The following SLC46A3 variants were observed in gnomAD, a reference collection of about 807,000 sequenced individuals.
The protein encoded by SLC46A3 is lysosomal proton-coupled steroid conjugate and bile acid symporter SLC46A3.
A neutral mutation model predicts 38.5 loss-of-function variants in SLC46A3; 26 were observed. That is an observed-to-expected ratio of 0.68 (90% CI 0.49 to 0.94). The LOEUF is 0.94. SLC46A3 is among the 40% of genes least tolerant of loss of function. The pLI, the probability that SLC46A3 is intolerant of heterozygous loss-of-function variation, is 0.00. For missense variants in SLC46A3, 510 were observed against 544.3 expected (o/e 0.94, Z 0.63); for synonymous variants, 185 against 192.5 (o/e 0.96, Z 0.32).
chr13:28,701,466 C>G lies in SLC46A3; in HGVS notation c.*31G>C. Reference sequence around the variant, plus strand: ...AGTCATGGTATATGATATGTGCATTCATAGATTTTTTTTGTTTGTTTAAAT... The same window carrying G: ...AGTCATGGTATATGATATGTGCATTGATAGATTTTTTTTGTTTGTTTAAAT... On this transcript the variant is annotated 3_prime_UTR_variant, in exon 6 of 6. Coordinates refer to ENST00000266943, the MANE Select transcript of SLC46A3 (RefSeq NM_181785.4). 6.2e-7 allele frequency: 1 copy of G among 1,606,778 alleles called. No individual in the cohort carries two copies. Among genetic ancestry groups the G allele is most frequent in the South Asian group, 1.1e-5 (1 of 89,208 alleles).
At chr13:28,716,919 T>C (rs1279331265) in intron 2 of SLC46A3, among the ~76,000 whole-genome samples, 3 of 152,010 alleles carry the variant, frequency 2.0e-5, no homozygotes, top group African/African-American at 4.8e-5. Context: ...ACCACTCCTT[T>C]ACAATCACAA....
chr13:28,718,098 G>T (rs1026347085), intron 1 of SLC46A3, 76 bp from the exon 2 acceptor site: 2 of 1,227,700 alleles, frequency 1.6e-6, no homozygotes, highest in African/African-American at 1.5e-5. Flanking sequence ...GTAAGTTTGA[G>T]CAATTTTGTG....
rs1555260404 is a variant in SLC46A3 at position 28,714,157 on chromosome 13, A to AAAAT, written c.190-608_190-607insATTT. On this transcript the variant is annotated intron_variant, in intron 2 of 5. Transcript: ENST00000266943. ...CAAAAAATACAAAAAAAAAAAAAAAAAACCTTTATTTAGGGAGAGCTTGGC... is the reference window on the plus strand; with the variant it reads ...CAAAAAATACAAAAAAAAAAAAAAAAAAATAACCTTTATTTAGGGAGAGCTTGGC... 4.9e-3 allele frequency among the ~76,000 whole-genome samples: 702 copies of AAAAT among 143,026 alleles called. 9 individuals are homozygous for AAAAT. The highest frequency in any genetic ancestry group is 0.014 in the African/African-American group (552 of 38,664). The allele number at this position is 143,026 out of a possible 152,430, so 93.8% of individuals were successfully genotyped here.
At chr13:28,711,153 A>G (rs573376930) in intron 3 of SLC46A3, among the ~76,000 whole-genome samples, 2 of 152,302 alleles carry the variant, frequency 1.3e-5, no homozygotes, top group East Asian at 3.9e-4. Context: ...GGCCGGGCGC[A>G]GTGGCTCACA....
intron 2 of SLC46A3, among the ~76,000 whole-genome samples, chr13:28,716,861 G>A (rs1885541935): frequency 1.3e-5 from 2 of 152,256 alleles, no homozygotes; most frequent in South Asian, 2.1e-4. Context: ...CCAGCAGGAG[G>A]TGACTCAATT....
intron 5 of SLC46A3, among the ~76,000 whole-genome samples, 157 bp from the exon 6 acceptor site, chr13:28,701,738 C>T (rs1029102679): frequency 6.6e-6 from 1 of 152,166 alleles, no homozygotes; most frequent in African/African-American, 2.4e-5. Context: ...CTGACTCATG[C>T]ATGGTGTTCT....
Position 28,700,991 on chromosome 13 carries a change from T to G in SLC46A3, c.*506A>C. 1 of 1,528,238 alleles carries G rather than the reference T, an allele frequency of 6.5e-7. No homozygotes were observed. Among genetic ancestry groups the G allele is most frequent in the Non-Finnish European group, 8.8e-7 (1 of 1,134,528 alleles). 94.7% of individuals were successfully genotyped at this position (1,528,238 alleles called of 1,614,324 possible). A position where few individuals can be genotyped will look rare whatever the true frequency, so the allele number is the denominator to read the frequency against. On this transcript the variant is annotated 3_prime_UTR_variant, in exon 6 of 6. Coordinates refer to ENST00000266943, the MANE Select transcript of SLC46A3 (RefSeq NM_181785.4). ...AAAGCATTACCAAGTATAGGTAAAA[T>G]CATACATATTTGAAACTTATATCAT...
intron 3 of SLC46A3, among the ~76,000 whole-genome samples, chr13:28,712,088 T>C (rs1352743867): frequency 4.6e-5 from 7 of 152,200 alleles, no homozygotes; most frequent in Non-Finnish European, 1.0e-4. Context: ...CAGAGTCTCA[T>C]TTTATAGTTC....
At chr13:28,707,060 A>AAAGGATCC (rs1400564594) in intron 4 of SLC46A3, among the ~76,000 whole-genome samples, 19 of 152,140 alleles carry the variant, frequency 1.2e-4, no homozygotes, top group African/African-American at 4.6e-4. Context: ...GTATATACCC[A>AAAGGATCC]AAGGATTATA....
chr13:28,701,125 T>G lies in SLC46A3; in HGVS notation c.*372A>C. ...CTGATGAAGAAACTGAGGTAAAGAT[T>G]TCTCTTTGGTCTCAGTGTAAGAGCC... is the stretch of plus-strand genomic sequence containing the variant. On this transcript the variant is annotated 3_prime_UTR_variant, in exon 6 of 6. Transcript: ENST00000266943. 1.4e-6 allele frequency: 2 copies of G among 1,438,838 alleles called. No individual in the cohort carries two copies. The highest frequency in any genetic ancestry group is 1.8e-6 in the Non-Finnish European group (2 of 1,096,180). 89.1% of individuals were successfully genotyped at this position (1,438,838 alleles called of 1,614,324 possible).
chr13:28,713,103 A>T lies in SLC46A3; in HGVS notation c.637T>A (p.Tyr213Asn), dbSNP rs1885411741. Residue 213 changes from tyrosine (Y) to asparagine (N), a missense_variant, in exon 3 of 6, where the codon TAT becomes AAT. By Grantham distance (143) the Tyr-to-Asn change is moderately radical. Coordinates refer to ENST00000266943, the MANE Select transcript of SLC46A3 (RefSeq NM_181785.4). ...GGATCTCCGAGAAAAAATAAAATAT[A>T]GATCAAATTAACAGCAAGAGACACA... Reference protein sequence around the residue: ...IAVSLAVNLIYILFFLGDPVK... With the variant: ...IAVSLAVNLINILFFLGDPVK... The T allele has an allele frequency of 1.2e-6, 2 of 1,612,432 alleles. No homozygotes were observed. Among genetic ancestry groups the T allele is most frequent in the Admixed American group, 1.7e-5 (1 of 59,692 alleles).
At chr13:28,706,650 G>C (rs1441413427) in intron 4 of SLC46A3, among the ~76,000 whole-genome samples, 1 of 152,102 alleles carries the variant, frequency 6.6e-6, no homozygotes, top group Admixed American at 6.6e-5. Context: ...GGTCTCAAGT[G>C]ATCCTCCCAC....
At chr13:28,703,847 C>A in intron 5 of SLC46A3, 96 bp downstream of exon 5, 1 of 1,174,296 alleles carries the variant, frequency 8.5e-7, no homozygotes, top group Non-Finnish European at 1.2e-6. Context: ...CGTTCTGAGG[C>A]AAAATTTCAA....
rs78805119 is a variant in SLC46A3 at position 28,717,004 on chromosome 13, A to T, written c.189+806T>A. 3.3e-5 allele frequency among the ~76,000 whole-genome samples: 5 copies of T among 151,830 alleles called. 1 individual carries two copies. In the South Asian group the frequency reaches 1.0e-3, roughly 32 times the overall value. ...GAGGCATTGTAGGAAAAAAAAAAAA[A>T]TTTCCAAACCTGGATACTATCTCTT... On this transcript the variant is annotated intron_variant, in intron 2 of 5. Coordinates refer to ENST00000266943, the MANE Select transcript of SLC46A3 (RefSeq NM_181785.4).
At chr13:28,702,967 A>G (rs986045717) in intron 5 of SLC46A3, among the ~76,000 whole-genome samples, 4 of 152,212 alleles carry the variant, frequency 2.6e-5, no homozygotes, top group African/African-American at 9.6e-5. Context: ...CACAGAGCTC[A>G]GCAGAAACAG....
rs1405027754 is a variant in SLC46A3 at position 28,712,891 on chromosome 13, A to C, written c.849T>G (p.Leu283=). Residue 283 remains leucine (L), a synonymous_variant, in exon 3 of 6, where the codon CTT becomes CTG. Coordinates refer to ENST00000266943, the MANE Select transcript of SLC46A3 (RefSeq NM_181785.4). Reference sequence around the variant, plus strand: ...AGCAGAGTGGTGAATCCAATTCATAAAGGATAAAAATTGGGGCAATGCCAA... The same window carrying C: ...AGCAGAGTGGTGAATCCAATTCATACAGGATAAAAATTGGGGCAATGCCAA... The part of the protein sequence containing the change: ...VVIGIAPIFI[L]YELDSPLCWN... 6.2e-7 allele frequency: 1 copy of C among 1,611,024 alleles called. No individual in the cohort carries two copies. The highest frequency in any genetic ancestry group is 2.2e-5 in the East Asian group (1 of 44,862).
At chr13:28,714,299 T>C (rs1885459165) in intron 2 of SLC46A3, among the ~76,000 whole-genome samples, 1 of 152,058 alleles carries the variant, frequency 6.6e-6, no homozygotes. Context: ...AGAGGAGACT[T>C]ACACTGTCTA....
In SLC46A3 at chr13:28,701,296, A is replaced by G; in HGVS notation, c.*201T>C. On this transcript the variant is annotated 3_prime_UTR_variant, in exon 6 of 6. Transcript: ENST00000266943. ...CTGTGTATTGCAAGTATATTGCATG[A>G]TACGCACAAAGTGCTCAAAGTGCGT... 1 of 1,418,108 alleles carries G rather than the reference A, an allele frequency of 7.1e-7. No homozygotes were observed. The highest frequency in any genetic ancestry group is 9.2e-7 in the Non-Finnish European group (1 of 1,089,530). 87.8% of individuals were successfully genotyped at this position (1,418,108 alleles called of 1,614,324 possible). A position where few individuals can be genotyped will look rare whatever the true frequency, so the allele number is the denominator to read the frequency against.
chr13:28,713,627 C>T (rs1885438788), intron 2 of SLC46A3, 77 bp from the exon 3 acceptor site: 1 of 1,416,156 alleles, frequency 7.1e-7, no homozygotes. Flanking sequence ...GGTGCATATG[C>T]TTTTTTCCCT....
Sources: allele counts gnomAD v4.1 joint callset (sites outside exome capture counted in the v4.1 genomes callset), GRCh38; gene constraint gnomAD v4.1.1; transcripts MANE v1.5; gene names NCBI Gene and HGNC (gene_info 2026-07-23, HGNC 2026-07-21).